TAOK2: variants seen among roughly 807,000 people sequenced by gnomAD.
TAOK2 encodes TAO kinase 2.
Under a neutral mutation model 122.5 loss-of-function variants are expected in TAOK2, and 42 were observed. The observed-to-expected ratio is 0.34, with a 90% CI of 0.27 to 0.44. The LOEUF (loss-of-function observed/expected upper bound fraction) is 0.44, where lower values mean the gene tolerates loss of function less well. TAOK2 is among the 20% of genes least tolerant of loss of function. The pLI is 1.00. For synonymous variants in TAOK2, 704 were observed against 677.6 expected (o/e 1.04, Z -0.61); for missense variants, 1,264 against 1,644.9 (o/e 0.77, Z 4.01).
chr16:29,978,740 G>T (rs2069531260), intron 4 of TAOK2, 59 bp from the exon 5 acceptor site: 1 of 1,600,208 alleles, frequency 6.2e-7, no homozygotes, highest in Non-Finnish European at 8.6e-7. Context: ...AGTCAAGGAA[G>T]CTCTGTTTTG....
chr16:29,991,840 C>A, downstream of TAOK2: 1 of 380,148 alleles, frequency 2.6e-6, no homozygotes. The surrounding 1 kb of genome is among the most constrained non-coding windows in gnomAD (Gnocchi z 5.6). Context: ...GGGAGATGTG[C>A]GTGTCAAATA....
Position 29,987,699 on chromosome 16 carries a change from C to G in TAOK2, c.3427C>G (p.Pro1143Ala). 1.2e-6 allele frequency: 2 copies of G among 1,614,086 alleles called. No individual in the cohort carries two copies. Among genetic ancestry groups the G allele is most frequent in the South Asian group, 2.2e-5 (2 of 91,092 alleles). ...RRRNPRTTQH[P>A]LALLARVWVL... Reference sequence around the variant, plus strand: ...GCGTAATCCCCGCACCACCCAACACCCATTAGCTCTGTTGGCAAGGGTCTG... The same window carrying G: ...GCGTAATCCCCGCACCACCCAACACGCATTAGCTCTGTTGGCAAGGGTCTG... The change falls in exon 16 of 16, where the codon CCA (proline) becomes GCA (alanine). Residue 1143 changes from proline (P) to alanine (A), a missense_variant. Physicochemically the swap from Pro to Ala is conservative, Grantham distance 27. This residue lies in a region of TAOK2 where 824 missense variants were observed against 908.7 expected (regional missense o/e 0.91). Transcript: ENST00000308893.
intron 1 of TAOK2, among the ~76,000 whole-genome samples, chr16:29,977,028 G>A (rs4283241): frequency 0.43 from 65,758 of 151,988 alleles, 14,256 homozygotes; most frequent in South Asian, 0.49. Context: ...AAGGTACTCA[G>A]TAAATGTTAT....
chr16:29,983,435 G>T, intron 12 of TAOK2, 68 bp from the exon 13 acceptor site: 1 of 1,565,276 alleles, frequency 6.4e-7, no homozygotes. Context: ...CTGATTGGCT[G>T]TCCTCAGGTA....
rs2069738308 is a variant in TAOK2 at position 29,985,021 on chromosome 16, A to G, written c.1423-192A>G. The G allele has an allele frequency of 3.0e-6, 2 of 667,024 alleles. No homozygotes were observed. Among genetic ancestry groups the G allele is most frequent in the East Asian group, 3.2e-5 (1 of 31,744 alleles). 41.3% of individuals were successfully genotyped at this position (667,024 alleles called of 1,614,324 possible). ...CCACCTTTTATCATTCGGCCACACC[A>G]ACTTGTGATGTAGATAATATCACCA... On this transcript the variant is annotated intron_variant, in intron 13 of 15. Coordinates refer to ENST00000308893, the MANE Select transcript of TAOK2 (RefSeq NM_016151.4). This position sits in a 1 kb window ranked among gnomAD's most constrained non-coding sequence, Gnocchi z 6.9.
chr16:29,977,247 C>T (rs1306866428), intron 1 of TAOK2, among the ~76,000 whole-genome samples: 1 of 152,156 alleles, frequency 6.6e-6, no homozygotes, highest in Non-Finnish European at 1.5e-5. Context: ...GACGGATTTC[C>T]ACCGCCTCCG....
rs2069379461 is a variant in TAOK2, at chr16:29,974,117, G to C, written c.-567G>C. 1 of 152,280 alleles carries C rather than the reference G, an allele frequency of 6.6e-6. No individual in the cohort carries two copies. The highest frequency in any genetic ancestry group is 1.5e-5 in the Non-Finnish European group (1 of 68,088). The allele number at this position is 152,280 out of a possible 1,614,324, so 9.4% of individuals were successfully genotyped here. ...GGCCGTGCGGCCGGACGTCCTCGGG[G>C]TGGGCCCCCAGTCGGTGGCCGAAGA... On this transcript the variant is annotated 5_prime_UTR_variant, in exon 1 of 16. Transcript: ENST00000308893.
rs1288384179 is a variant in TAOK2 at position 29,977,778 on chromosome 16, A to G, written c.6A>G (p.Pro2=). 6.2e-7 allele frequency: 1 copy of G among 1,614,030 alleles called. No homozygotes were observed. Among genetic ancestry groups the G allele is most frequent in the South Asian group, 1.1e-5 (1 of 91,078 alleles). The change falls in exon 2 of 16, where the codon CCA becomes CCG. Residue 2 remains proline, a synonymous_variant. Coordinates refer to ENST00000308893, the MANE Select transcript of TAOK2 (RefSeq NM_016151.4). ...CAGGGCCCCCAGGGGCCACCATGCCAGCTGGGGGCCGGGCCGGGAGCCTGA... is the reference window on the plus strand; with the variant it reads ...CAGGGCCCCCAGGGGCCACCATGCCGGCTGGGGGCCGGGCCGGGAGCCTGA... The part of the protein sequence containing the change: M[P]AGGRAGSLKD...
chr16:29,978,461 T>G, intron 4 of TAOK2, 108 bp downstream of exon 4: 1 of 1,252,452 alleles, frequency 8.0e-7, no homozygotes, highest in Non-Finnish European at 1.2e-6. Flanking sequence ...TGTGGGATCT[T>G]GGGAAGGAGG....
downstream of TAOK2, chr16:29,990,983 C>T (rs558749405): frequency 1.2e-6 from 2 of 1,605,856 alleles, no homozygotes; most frequent in South Asian, 1.1e-5. Flanking sequence ...GGCCCAGCCT[C>T]CAGGACTGGG....
intron 2 of TAOK2, 36 bp from the exon 3 acceptor site, chr16:29,978,053 A>G (rs542033977): frequency 1.4e-5 from 22 of 1,613,570 alleles, no homozygotes; most frequent in East Asian, 4.5e-5. Context: ...CCGGCTCTCA[A>G]TGGGGCCTTC....
downstream of TAOK2, chr16:29,991,968 C>T (rs2069980614): frequency 1.2e-5 from 2 of 164,364 alleles, no homozygotes; most frequent in Admixed American, 1.3e-4. This position sits in a 1 kb window ranked among gnomAD's most constrained non-coding sequence, Gnocchi z 5.6. Flanking sequence ...GGTCTGGGGC[C>T]TGAGGCAGGG....
chr16:29,976,401 C>G (rs891367941), intron 1 of TAOK2, among the ~76,000 whole-genome samples: 3 of 152,210 alleles, frequency 2.0e-5, no homozygotes, highest in Non-Finnish European at 4.4e-5. Context: ...CCTCCTTGCC[C>G]TCCAGCTTCC....
Position 29,987,965 on chromosome 16 carries a change from G to A in TAOK2, c.3693G>A (p.Leu1231=), listed in dbSNP as rs1480688951. The A allele has an allele frequency of 1.3e-6, 2 of 1,539,340 alleles. No homozygotes were observed. ...RRSRTRQSRA[L]PPWR The stretch of plus-strand genomic sequence containing the variant: ...CACGCACCCGCCAGTCCCGGGCCCT[G>A]CCCCCCTGGAGGTAGCTGACTCCAG... Residue 1231 remains leucine (L), a synonymous_variant, in exon 16 of 16, where the codon CTG becomes CTA. Transcript: ENST00000308893.
chr16:29,986,948 C>T lies in TAOK2; in HGVS notation c.2676C>T (p.Gly892=), dbSNP rs1288666602. The change falls in exon 16 of 16, where the codon GGC becomes GGT. Residue 892 remains glycine (G), a synonymous_variant. Transcript: ENST00000308893. The surrounding 1 kb of genome is among the most constrained non-coding windows in gnomAD (Gnocchi z 4.2). Reference sequence around the variant, plus strand: ...AGTTTGAGCTTGGCTGGGTCCAGGGCCCAGCACTGACTCCCGTCCCTGAGG... The same window carrying T: ...AGTTTGAGCTTGGCTGGGTCCAGGGTCCAGCACTGACTCCCGTCCCTGAGG... ...DEEFELGWVQ[G]PALTPVPEEE... 6.2e-7 allele frequency: 1 copy of T among 1,613,918 alleles called. No individual in the cohort carries two copies. The highest frequency in any genetic ancestry group is 1.7e-5 in the Admixed American group (1 of 60,008).
Position 29,983,133 on chromosome 16 carries a change from T to G in TAOK2, c.1061T>G (p.Val354Gly), listed in dbSNP as rs1453862462. The G allele has an allele frequency of 1.2e-6, 2 of 1,614,068 alleles. No individual in the cohort carries two copies. The highest frequency in any genetic ancestry group is 3.3e-5 in the Admixed American group (2 of 60,014). Residue 354 changes from valine (V) to glycine (G), a missense_variant, in exon 12 of 16, where the codon GTG becomes GGG. Physicochemically the swap from Val to Gly is moderately radical, Grantham distance 109. This residue lies in a region of TAOK2 where 254 missense variants were observed against 503.8 expected (regional missense o/e 0.50). Transcript: ENST00000308893. ...ACCAGCCTCGAGAGTAGCCACTCAG[T>G]GCCCAGCATGTCCATCAGCGCCTCC... is the stretch of plus-strand genomic sequence containing the variant. ...TLTSLESSHS[V>G]PSMSISASSQ...
rs767889343 is a variant in TAOK2 at position 29,986,434 on chromosome 16, A to G, written c.2162A>G (p.Asn721Ser). The change falls in exon 16 of 16, where the codon AAC becomes AGC. Residue 721 changes from asparagine to serine, a missense_variant. Asn to Ser is a conservative substitution (Grantham distance 46). This residue lies in a region of TAOK2 where 824 missense variants were observed against 908.7 expected (regional missense o/e 0.91). Coordinates refer to ENST00000308893, the MANE Select transcript of TAOK2 (RefSeq NM_016151.4). This position sits in a 1 kb window ranked among gnomAD's most constrained non-coding sequence, Gnocchi z 4.2. ...QTELGNQLEY[N>S]KRREQELRQK... ...GAGCTGGGCAACCAGCTGGAGTACA[A>G]CAAGCGGCGTGAGCAAGAGTTGCGG... The G allele has an allele frequency of 3.7e-6, 6 of 1,610,236 alleles. No individual in the cohort carries two copies. The highest frequency in any genetic ancestry group is 1.1e-5 in the South Asian group (1 of 90,700).
Position 29,974,378 on chromosome 16 carries a change from G to T in TAOK2, c.-306G>T, listed in dbSNP as rs753680406. ...TCGGATTCAGTCTCCATCCCGTTCA[G>T]ATATTCGGGGTTCAGACCCCACAAT... On this transcript the variant is annotated 5_prime_UTR_variant, in exon 1 of 16. Transcript: ENST00000308893. 1.3e-5 allele frequency: 2 copies of T among 152,634 alleles called. No homozygotes were observed. The highest frequency in any genetic ancestry group is 2.9e-5 in the Non-Finnish European group (2 of 68,044). The allele number at this position is 152,634 out of a possible 1,614,324, so 9.5% of individuals were successfully genotyped here.
intron 1 of TAOK2, among the ~76,000 whole-genome samples, chr16:29,975,903 G>A (rs2069439315): frequency 6.6e-6 from 1 of 152,224 alleles, no homozygotes; most frequent in Non-Finnish European, 1.5e-5. Flanking sequence ...AGAACTGGAA[G>A]GAACTTATTT....
Sources: allele counts gnomAD v4.1 joint callset (sites outside exome capture counted in the v4.1 genomes callset), GRCh38; gene constraint gnomAD v4.1.1; regional missense constraint gnomAD v4.1.1; non-coding constraint Gnocchi (gnomAD v3.1); transcripts MANE v1.5; gene names NCBI Gene and HGNC (gene_info 2026-07-23, HGNC 2026-07-21).